The following RIGI variants were observed in gnomAD, a reference collection of about 807,000 sequenced individuals.
RIGI encodes RNA sensor RIG-I.
At chr9:32,493,006 TA>T in the RIGI span, among the ~76,000 whole-genome samples, 1 of 152,170 alleles carries the variant, frequency 6.6e-6, no homozygotes, top group African/African-American at 2.4e-5. Context: ...TTACATATAT[TA>T]TCTCATTACC....
At chr9:32,476,920 C>T in the RIGI span, 2 of 1,414,830 alleles carry the variant, frequency 1.4e-6, no homozygotes, top group South Asian at 2.6e-5. Flanking sequence ...CCATACCCAG[C>T]CCAATCTTTT....
chr9:32,474,660 G>C, the RIGI span, among the ~76,000 whole-genome samples: 1 of 152,182 alleles, frequency 6.6e-6, no homozygotes. Flanking sequence ...GAGGAGTTTG[G>C]AAGTTAACCT....
At chr9:32,495,906 C>G in the RIGI span, among the ~76,000 whole-genome samples, 5 of 152,182 alleles carry the variant, frequency 3.3e-5, no homozygotes. Flanking sequence ...ATCCACCTGC[C>G]TCAGCCTCCC....
At chr9:32,514,860 A>AT in the RIGI span, among the ~76,000 whole-genome samples, 2 of 152,082 alleles carry the variant, frequency 1.3e-5, no homozygotes, top group Non-Finnish European at 2.9e-5. Context: ...TTTTAAGCTA[A>AT]TTTTTTTCAG....
the RIGI span, among the ~76,000 whole-genome samples, chr9:32,486,857 A>G: frequency 6.6e-6 from 1 of 151,976 alleles, no homozygotes; most frequent in Non-Finnish European, 1.5e-5. Flanking sequence ...GCCTTCAAAA[A>G]GGAACTTATC....
the RIGI span, chr9:32,473,007 A>C: frequency 3.7e-6 from 6 of 1,610,644 alleles, no homozygotes; most frequent in Non-Finnish European, 5.1e-6. Flanking sequence ...ACGTCCAGTC[A>C]ATATGCCAGG....
At chr9:32,523,799 T>C in the RIGI span, among the ~76,000 whole-genome samples, 2 of 151,908 alleles carry the variant, frequency 1.3e-5, no homozygotes, top group African/African-American at 2.4e-5. Context: ...TCTATTTTGG[T>C]CCCCTCTCCT....
At chr9:32,455,682 T>TG in the RIGI span, 1 of 149,218 alleles carries the variant, frequency 6.7e-6, no homozygotes, top group Non-Finnish European at 1.5e-5. Flanking sequence ...AAATAGAAAA[T>TG]GAAAAAAAAC....
At chr9:32,482,994 A>G in the RIGI span, among the ~76,000 whole-genome samples, 7 of 152,114 alleles carry the variant, frequency 4.6e-5, no homozygotes, top group African/African-American at 1.7e-4. Flanking sequence ...CACTTATCAC[A>G]CATGCATCTG....
At chr9:32,518,379 C>A in the RIGI span, among the ~76,000 whole-genome samples, 2 of 146,436 alleles carry the variant, frequency 1.4e-5, no homozygotes, top group African/African-American at 5.0e-5. Context: ...AGTAAAATGA[C>A]TGTTTAAAAA....
the RIGI span, among the ~76,000 whole-genome samples, chr9:32,507,330 G>A: frequency 6.6e-6 from 1 of 152,130 alleles, no homozygotes; most frequent in African/African-American, 2.4e-5. Context: ...AATTGGAGGA[G>A]AAGGATATAT....
the RIGI span, among the ~76,000 whole-genome samples, chr9:32,501,325 C>CAA: frequency 7.3e-3 from 890 of 121,726 alleles, 6 homozygotes; most frequent in Middle Eastern, 0.017. Context: ...CCAGCCTCTA[C>CAA]AAAAAAAAAA....
the RIGI span, among the ~76,000 whole-genome samples, chr9:32,517,858 T>TA: frequency 6.6e-6 from 1 of 152,168 alleles, no homozygotes; most frequent in African/African-American, 2.4e-5. Context: ...GATAAACTGC[T>TA]AAAAATAAAT....
At chr9:32,506,434 T>C in the RIGI span, among the ~76,000 whole-genome samples, 1 of 152,222 alleles carries the variant, frequency 6.6e-6, no homozygotes, top group African/African-American at 2.4e-5. Context: ...CTTCACTGTT[T>C]TTAATGATTT....
the RIGI span, chr9:32,500,728 A>C: frequency 3.7e-5 from 57 of 1,530,748 alleles, 1 homozygote; most frequent in South Asian, 6.1e-4. Context: ...TTCAAATTTA[A>C]TAGCTTTTCA....
the RIGI span, chr9:32,489,565 G>C: frequency 1.9e-6 from 1 of 516,894 alleles, no homozygotes; most frequent in Non-Finnish European, 3.4e-6. Context: ...CCTCATTGGA[G>C]AAAGTTTAGA....
chr9:32,490,764 G>A, the RIGI span, among the ~76,000 whole-genome samples: 1 of 152,170 alleles, frequency 6.6e-6, no homozygotes, highest in Admixed American at 6.5e-5. Flanking sequence ...CAGTGCCTTT[G>A]TGTAAATGAC....
At chr9:32,489,059 C>T in the RIGI span, among the ~76,000 whole-genome samples, 1 of 152,080 alleles carries the variant, frequency 6.6e-6, no homozygotes, top group Non-Finnish European at 1.5e-5. Context: ...TCAAGCTGCT[C>T]CCTAAGTAGC....
chr9:32,514,822 C>G, the RIGI span, among the ~76,000 whole-genome samples: 1 of 152,124 alleles, frequency 6.6e-6, no homozygotes, highest in Non-Finnish European at 1.5e-5. Context: ...ACATTCACGA[C>G]CAATCCTTGC....
Sources: gnomAD v4.1 joint callset for allele counts (sites outside exome capture counted in the v4.1 genomes callset) on GRCh38, gnomAD v4.1.1 for gene constraint, MANE v1.5 for transcripts, NCBI Gene and HGNC (gene_info 2026-07-23, HGNC 2026-07-21) for gene names.